Variants in ERI1 observed in about 807,000 individuals in gnomAD.
ERI1 encodes the protein 3'-5' exoribonuclease 1.
A neutral mutation model predicts 39.7 loss-of-function variants in ERI1; 39 were observed. The ratio of observed to expected loss-of-function variants is 0.98; its 90% CI spans 0.76 to 1.28. ERI1 has a LOEUF of 1.28. ERI1 is among the 50% of genes most tolerant of loss of function. The pLI is 0.00. For synonymous variants in ERI1, 204 were observed against 149.6 expected, an observed-to-expected ratio of 1.36 and a Z score of -2.65; for missense variants, 581 against 416.9, an observed-to-expected ratio of 1.39 and a Z score of -3.43.
At chr8:9,071,274 A>G (rs1799041321) in intron 3 of ERI1, among the ~76,000 whole-genome samples, 1 of 152,218 alleles carries the variant, frequency 6.6e-6, no homozygotes, top group Non-Finnish European at 1.5e-5. Context: ...TGACAAAGCC[A>G]TTTCTCAAAG....
intron 3 of ERI1, among the ~76,000 whole-genome samples, chr8:9,014,151 T>TA (rs902072528): frequency 6.6e-6 from 1 of 152,226 alleles, no homozygotes; most frequent in African/African-American, 2.4e-5. Context: ...CCTGTCTTAC[T>TA]ACTCTTTTCC....
rs774176391 is a variant in ERI1 at position 9,018,284 on chromosome 8, T to C, written c.583-13T>C. The C allele has an allele frequency of 1.0e-4, 161 of 1,550,310 alleles. 1 individual carries two copies. The highest frequency in any genetic ancestry group is 1.3e-4 in the Non-Finnish European group (148 of 1,128,548). Reference sequence around the variant, plus strand: ...AGCCCTGATTTTTGTATATTTTACTTTTATATCCTCAGGATCAGGTAGACA... The same window carrying C: ...AGCCCTGATTTTTGTATATTTTACTCTTATATCCTCAGGATCAGGTAGACA... On this transcript the variant is annotated splice_polypyrimidine_tract_variant and intron_variant, in intron 4 of 6. Coordinates refer to ENST00000250263, the MANE Select transcript of ERI1 (RefSeq NM_153332.4).
intron 3 of ERI1, among the ~76,000 whole-genome samples, chr8:9,048,127 G>T (rs1268181946): frequency 6.6e-6 from 1 of 152,192 alleles, no homozygotes; most frequent in East Asian, 1.9e-4. Flanking sequence ...GAAAAACAAA[G>T]CCCAGTCTTT....
chr8:9,004,198 T>A (rs1022268194), intron 1 of ERI1: 3 of 1,285,048 alleles, frequency 2.3e-6, no homozygotes, highest in Admixed American at 2.3e-5. Flanking sequence ...CTTCTAAGGT[T>A]GTTATTTCAA....
chr8:9,003,225 C>G, intron 1 of ERI1, 54 bp downstream of exon 1: 4 of 1,108,718 alleles, frequency 3.6e-6, no homozygotes, highest in Non-Finnish European at 4.6e-6. Flanking sequence ...GTCCCCAAAG[C>G]GCCCTCGGCA....
At position 9,038,399 on chromosome 8, in the gene ERI1, G is replaced by GT. The variant is rs544151529; in HGVS notation, n.299+17936dup. On this transcript the variant is annotated intron_variant and non_coding_transcript_variant, in intron 3 of 3. Transcript: ENST00000518663. ...ATAGCTTGTCATCAGGTTTTACTCT[G>GT]TATTTTTCTGCCTGAAAGTCATTGA... is the stretch of plus-strand genomic sequence containing the variant. Among the ~76,000 whole-genome samples the GT allele has an allele frequency of 3.9e-5, 6 of 152,312 alleles. No individual in the cohort carries two copies. In the South Asian group the frequency reaches 1.2e-3, roughly 32 times the overall value.
At chr8:9,083,176 C>A (rs80246436) in intron 3 of ERI1, among the ~76,000 whole-genome samples, 3,694 of 152,260 alleles carry the variant, frequency 0.024, 162 homozygotes, top group African/African-American at 0.083. Context: ...GGTCACTGTG[C>A]ATTTGTCAGG....
At chr8:9,051,095 T>C (rs1798341057) in intron 3 of ERI1, among the ~76,000 whole-genome samples, 3 of 151,980 alleles carry the variant, frequency 2.0e-5, no homozygotes. Context: ...ACGATAGATA[T>C]TAGTTCTGGT....
At chr8:9,046,942 G>T (rs1387437678) in intron 3 of ERI1, among the ~76,000 whole-genome samples, 1 of 152,172 alleles carries the variant, frequency 6.6e-6, no homozygotes, top group African/African-American at 2.4e-5. Context: ...CTCACCCTCC[G>T]AATCAGCCTG....
intron 6 of ERI1, among the ~76,000 whole-genome samples, chr8:9,028,231 C>T (rs1378231785): frequency 6.6e-6 from 1 of 152,182 alleles, no homozygotes; most frequent in Non-Finnish European, 1.5e-5. Flanking sequence ...TTTTCAGTTA[C>T]TGATTCAGTC....
At chr8:9,082,895 T>G (rs1390638726) in intron 3 of ERI1, among the ~76,000 whole-genome samples, 1 of 152,192 alleles carries the variant, frequency 6.6e-6, no homozygotes, top group Non-Finnish European at 1.5e-5. Flanking sequence ...GTGGGGATGA[T>G]GGAATATCCT....
At chr8:9,085,619 T>C (rs1799499397) in intron 3 of ERI1, among the ~76,000 whole-genome samples, 2 of 151,812 alleles carry the variant, frequency 1.3e-5, no homozygotes, top group Non-Finnish European at 2.9e-5. Context: ...GTGGTTGTGA[T>C]AAAGACTGTA....
At chr8:9,036,894 C>G (rs1404741131), downstream of ERI1, among the ~76,000 whole-genome samples, 4 of 152,126 alleles carry the variant, frequency 2.6e-5, no homozygotes, top group Admixed American at 1.3e-4. Context: ...TTATTTTTGT[C>G]AGTGGGACCA....
intron 6 of ERI1, among the ~76,000 whole-genome samples, chr8:9,024,105 T>C (rs1402835819): frequency 6.6e-6 from 1 of 152,152 alleles, no homozygotes; most frequent in East Asian, 1.9e-4. Flanking sequence ...TGGCCAAAAA[T>C]GACCTTCTAT....
rs1265667288 is a variant in ERI1 at position 9,031,964 on chromosome 8, G to A, written c.*1930G>A. ...GTAGAGGCGGGGTTTCACCATGTTG[G>A]TCAGGCTGGTCTTGAACTCCTGACC... On this transcript the variant is annotated 3_prime_UTR_variant, in exon 7 of 7. Coordinates refer to ENST00000250263, the MANE Select transcript of ERI1 (RefSeq NM_153332.4). 1 of 152,224 alleles carries A rather than the reference G, an allele frequency of 6.6e-6. No individual in the cohort carries two copies. Among genetic ancestry groups the A allele is most frequent in the African/African-American group, 2.4e-5 (1 of 41,428 alleles). 9.4% of individuals were successfully genotyped at this position (152,224 alleles called of 1,614,324 possible). A position where few individuals can be genotyped will look rare whatever the true frequency, so the allele number is the denominator to read the frequency against.
At chr8:9,053,622 A>C (rs955381924) in intron 3 of ERI1, among the ~76,000 whole-genome samples, 1 of 152,204 alleles carries the variant, frequency 6.6e-6, no homozygotes, top group Non-Finnish European at 1.5e-5. Flanking sequence ...GCAGTCATGG[A>C]AACTCCTCAA....
intron 3 of ERI1, among the ~76,000 whole-genome samples, chr8:9,039,134 A>T (rs2117340374): frequency 6.6e-6 from 1 of 152,340 alleles, no homozygotes; most frequent in East Asian, 1.9e-4. Flanking sequence ...CTATCAAATA[A>T]TTATTCATTA....
At chr8:9,081,758 AAAG>A (rs756822545) in intron 3 of ERI1, among the ~76,000 whole-genome samples, 110 of 150,952 alleles carry the variant, frequency 7.3e-4, no homozygotes, top group Admixed American at 2.8e-3. Context: ...AATAGGCAAG[AAAG>A]AAGGGGGAAG....
chr8:9,009,274 CATCACA>C, intron 2 of ERI1: 2 of 341,252 alleles, frequency 5.9e-6, no homozygotes, highest in Non-Finnish European at 1.2e-5. Context: ...ACAAAGAAAT[CATCACA>C]ATACAGAGTG....
Sources: gnomAD v4.1 joint callset for allele counts (sites outside exome capture counted in the v4.1 genomes callset) on GRCh38, gnomAD v4.1.1 for gene constraint, MANE v1.5 for transcripts, NCBI Gene and HGNC (gene_info 2026-07-23, HGNC 2026-07-21) for gene names.